The following PTPN12 variants were observed in gnomAD, a reference collection of about 807,000 sequenced individuals.
PTPN12 encodes tyrosine-protein phosphatase non-receptor type 12.
PTPN12 carries 29 observed loss-of-function variants against 97.6 expected under a neutral mutation model. That is an observed-to-expected ratio of 0.30 (90% CI 0.22 to 0.41). PTPN12 has a LOEUF of 0.41. Ranked by LOEUF, PTPN12 falls within the 10% of genes least tolerant of loss-of-function variation. PTPN12 has a pLI of 1.00. For missense variants in PTPN12, 819 were observed against 926.0 expected (o/e 0.88, Z 1.50); for synonymous variants, 327 against 300.4 (o/e 1.09, Z -0.91).
chr7:77,576,174 G>A (rs1427332624), intron 2 of PTPN12, among the ~76,000 whole-genome samples: 1 of 152,072 alleles, frequency 6.6e-6, no homozygotes, highest in African/African-American at 2.4e-5. Context: ...ACATTTTAAA[G>A]ATTCATTCAC....
intron 8 of PTPN12, among the ~76,000 whole-genome samples, chr7:77,604,701 AAT>A (rs1400115731): frequency 6.6e-6 from 1 of 152,006 alleles, no homozygotes; most frequent in Non-Finnish European, 1.5e-5. Flanking sequence ...TCCCTAACAC[AAT>A]AGTGTATATA....
At chr7:77,574,995 C>T (rs576544476) in intron 2 of PTPN12, among the ~76,000 whole-genome samples, 12 of 152,006 alleles carry the variant, frequency 7.9e-5, no homozygotes, top group Admixed American at 2.0e-4. Context: ...CCATGCCCAG[C>T]TAATTTTTTG....
chr7:77,602,129 TG>T (rs767121447), intron 8 of PTPN12, among the ~76,000 whole-genome samples: 49 of 151,894 alleles, frequency 3.2e-4, no homozygotes, highest in Non-Finnish European at 6.9e-4. Flanking sequence ...CCTTTGACTT[TG>T]GGGGAATGAA....
At chr7:77,597,740 T>C in intron 6 of PTPN12, 102 bp from the exon 7 acceptor site, 1 of 1,354,108 alleles carries the variant, frequency 7.4e-7, no homozygotes, top group Non-Finnish European at 9.7e-7. Context: ...ATTTTAAAGA[T>C]TAATTTTATA....
intron 8 of PTPN12, 165 bp downstream of exon 8, chr7:77,600,971 AC>A: frequency 1.7e-6 from 1 of 595,076 alleles, no homozygotes; most frequent in Non-Finnish European, 2.9e-6. Context: ...TGGTTGACAG[AC>A]CGTTTAGAGT....
intron 12 of PTPN12, among the ~76,000 whole-genome samples, chr7:77,623,483 G>A (rs1358853138): frequency 3.3e-5 from 5 of 152,210 alleles, no homozygotes; most frequent in Non-Finnish European, 7.3e-5. Context: ...GCCTGAGGAG[G>A]GCGGATCACT....
At chr7:77,631,985 C>T (rs553362013) in intron 13 of PTPN12, among the ~76,000 whole-genome samples, 34 of 152,248 alleles carry the variant, frequency 2.2e-4, no homozygotes, top group Non-Finnish European at 3.7e-4. Flanking sequence ...CTGGCTTAGG[C>T]GTTTCATAAC....
intron 2 of PTPN12, among the ~76,000 whole-genome samples, chr7:77,572,098 CTTTT>C (rs35269832): frequency 3.8e-5 from 5 of 133,316 alleles, no homozygotes; most frequent in Non-Finnish European, 6.4e-5. Context: ...TTCTTGGTGA[CTTTT>C]TTTTTTTTTT....
chr7:77,582,166 C>T (rs551672817), intron 3 of PTPN12, among the ~76,000 whole-genome samples: 2 of 131,122 alleles, frequency 1.5e-5, no homozygotes, highest in African/African-American at 5.7e-5. Context: ...GCTATCTCGG[C>T]TCACTGCAAG....
Position 77,537,513 on chromosome 7 carries a change from G to T in PTPN12, c.-34G>T, listed in dbSNP as rs758002767. 6.4e-6 allele frequency: 10 copies of T among 1,560,560 alleles called. No homozygotes were observed. Among genetic ancestry groups the T allele is most frequent in the Non-Finnish European group, 8.7e-6 (10 of 1,155,120 alleles). On this transcript the variant is annotated 5_prime_UTR_variant, in exon 1 of 18. Coordinates refer to ENST00000248594, the MANE Select transcript of PTPN12 (RefSeq NM_002835.4). ...TGTGCCGGGCGGGCGGGCGGCGGGG[G>T]GGCCAGCGACCGCAGCCGGGGGGAC...
rs1806707697 is a variant in PTPN12, at chr7:77,537,478, G to C, written c.-69G>C. 4.7e-6 allele frequency: 7 copies of C among 1,487,754 alleles called. No individual in the cohort carries two copies. In the East Asian group the frequency reaches 1.9e-4, roughly 41 times the overall value. The allele number at this position is 1,487,754 out of a possible 1,614,324, so 92.2% of individuals were successfully genotyped here. A position where few individuals can be genotyped will look rare whatever the true frequency, so the allele number is the denominator to read the frequency against. On this transcript the variant is annotated 5_prime_UTR_variant, in exon 1 of 18. Coordinates refer to ENST00000248594, the MANE Select transcript of PTPN12 (RefSeq NM_002835.4). ...CTGGGGGAACGAGCTGGGGAAGACGGAGCGGGCTCTGTGCCGGGCGGGCGG... is the reference window on the plus strand; with the variant it reads ...CTGGGGGAACGAGCTGGGGAAGACGCAGCGGGCTCTGTGCCGGGCGGGCGG...
rs774347812 is a variant in PTPN12 at position 77,635,819 on chromosome 7, T to C, written c.2112T>C (p.Ser704=). The C allele has an allele frequency of 2.5e-6, 4 of 1,608,178 alleles. No individual in the cohort carries two copies. In the South Asian group the frequency reaches 4.5e-5, roughly 18 times the overall value. Residue 704 remains serine (S), a synonymous_variant, in exon 15 of 18, where the codon AGT becomes AGC. Coordinates refer to ENST00000248594, the MANE Select transcript of PTPN12 (RefSeq NM_002835.4). ...PVRSEWSELQ[S]QERSEQKKSE... is the part of the protein sequence containing the mutation. The stretch of plus-strand genomic sequence containing the variant: ...GATCGGAATGGAGTGAACTTCAAAG[T>C]CAGGAACGATCTGAACAAAAAAAGT...
intron 1 of PTPN12, among the ~76,000 whole-genome samples, chr7:77,561,922 G>T (rs1178168204): frequency 6.6e-6 from 1 of 151,746 alleles, no homozygotes; most frequent in African/African-American, 2.4e-5. Context: ...CTCCCAAGTA[G>T]CTGGGACTAC....
chr7:77,611,085 C>CA, intron 11 of PTPN12, 39 bp downstream of exon 11: 1 of 1,480,166 alleles, frequency 6.8e-7, no homozygotes, highest in Non-Finnish European at 9.4e-7. Flanking sequence ...GAAACTTTTA[C>CA]TCTTTGTTAA....
At chr7:77,561,492 C>T (rs375494029) in intron 1 of PTPN12, among the ~76,000 whole-genome samples, 1 of 152,162 alleles carries the variant, frequency 6.6e-6, no homozygotes, top group Non-Finnish European at 1.5e-5. Flanking sequence ...GTTTGGTCAG[C>T]TGACCACAGC....
intron 2 of PTPN12, among the ~76,000 whole-genome samples, chr7:77,577,760 C>G (rs1170351519): frequency 6.6e-6 from 1 of 152,074 alleles, no homozygotes; most frequent in African/African-American, 2.4e-5. Flanking sequence ...CCAAATTTGC[C>G]TGTGTTTTAG....
intron 16 of PTPN12, 29 bp downstream of exon 16, chr7:77,637,077 T>C (rs1315137232): frequency 6.5e-7 from 1 of 1,533,838 alleles, no homozygotes; most frequent in African/African-American, 1.4e-5. Flanking sequence ...TTTTTCCTTT[T>C]TACTGTAGAT....
intron 1 of PTPN12, among the ~76,000 whole-genome samples, chr7:77,566,738 G>A (rs1200786166): frequency 6.6e-6 from 1 of 152,066 alleles, no homozygotes; most frequent in African/African-American, 2.4e-5. Context: ...AAGATCTTTA[G>A]GGTAGACTTA....
chr7:77,586,017 A>C (rs994266171), intron 5 of PTPN12, among the ~76,000 whole-genome samples: 1 of 151,990 alleles, frequency 6.6e-6, no homozygotes, highest in African/African-American at 2.4e-5. Flanking sequence ...GCAGTGGTAC[A>C]ATCTTGGCTC....
Sources: gnomAD v4.1 joint callset for allele counts (sites outside exome capture counted in the v4.1 genomes callset) on GRCh38, gnomAD v4.1.1 for gene constraint, MANE v1.5 for transcripts, NCBI Gene and HGNC (gene_info 2026-07-23, HGNC 2026-07-21) for gene names.